The following CD6 variants were observed in gnomAD, a reference collection of about 807,000 sequenced individuals.
The protein encoded by CD6 is CD6 molecule, also known as T-cell differentiation antigen CD6.
Under a neutral mutation model 75.3 loss-of-function variants are expected in CD6, and 53 were observed. The observed-to-expected ratio is 0.70, with a 90% CI of 0.56 to 0.88. The LOEUF is 0.88. Among genes scored for constraint, CD6 ranks in the 40% least tolerant of loss-of-function variants. CD6 has a pLI of 0.00. For missense variants in CD6, 770 were observed against 897.1 expected (o/e 0.86, Z 1.81); for synonymous variants, 359 against 381.5 (o/e 0.94, Z 0.69).
chr11:61,018,086 G>C, intron 11 of CD6, 73 bp downstream of exon 11: 1 of 1,552,428 alleles, frequency 6.4e-7, no homozygotes, highest in Non-Finnish European at 8.7e-7. Flanking sequence ...TGGGAGCCCT[G>C]AGTCAGGCTG....
At chr11:60,974,959 C>A (rs1857312922) in intron 1 of CD6, among the ~76,000 whole-genome samples, 1 of 152,220 alleles carries the variant, frequency 6.6e-6, no homozygotes, top group Non-Finnish European at 1.5e-5. Flanking sequence ...GTGCTGAGCT[C>A]CGTGACTCTA....
At chr11:61,010,880 A>G (rs1187917114) in intron 5 of CD6, among the ~76,000 whole-genome samples, 190 bp from the exon 6 acceptor site, 1 of 150,624 alleles carries the variant, frequency 6.6e-6, no homozygotes, top group African/African-American at 2.4e-5. Context: ...CATTTAATCC[A>G]TGAGTTCCTC....
chr11:60,972,006 C>G (rs1857202010), intron 1 of CD6, 92 bp downstream of exon 1: 3 of 1,330,284 alleles, frequency 2.3e-6, no homozygotes, highest in South Asian at 2.5e-5. Flanking sequence ...CTTGTGGTCA[C>G]TTTTCTAGGA....
chr11:61,008,535 G>A lies in CD6; in HGVS notation c.471G>A (p.Glu157=), dbSNP rs1203166886. 3 of 1,593,410 alleles carry A rather than the reference G, an allele frequency of 1.9e-6. No individual in the cohort carries two copies. The highest frequency in any genetic ancestry group is 1.3e-5 in the African/African-American group (1 of 74,668). Residue 157 remains glutamate, a splice_region_variant and synonymous_variant, in exon 4 of 13, where the codon GAG becomes GAA. Transcript: ENST00000313421. ...TCCACAACCCCCTCCCACCCCTAGA[G>A]AACCGCGCGCTGCGCCTGGTGGACG... is the stretch of plus-strand genomic sequence containing the variant. ...DGRRARVTCA[E]NRALRLVDGG... is the part of the protein sequence containing the mutation.
chr11:60,980,217 T>C (rs1035419583), intron 1 of CD6, among the ~76,000 whole-genome samples: 1 of 152,186 alleles, frequency 6.6e-6, no homozygotes, highest in African/African-American at 2.4e-5. Context: ...AAATAAGAAG[T>C]TAAGGGGGAA....
rs778441031 is a variant in CD6 at position 61,006,639 on chromosome 11, C to A, written c.115C>A (p.Pro39Thr). Residue 39 changes from proline to threonine, a missense_variant, in exon 2 of 13, where the codon CCA becomes ACA. By Grantham distance (38) the Pro-to-Thr change is conservative. Coordinates refer to ENST00000313421, the MANE Select transcript of CD6 (RefSeq NM_006725.5). Reference protein sequence around the residue: ...TSSAESELWEPGERLPVRLTN... With the variant: ...TSSAESELWETGERLPVRLTN... ...CAGTGCAGAGAGTGAGCTCTGGGAG[C>A]CAGGTGAGCAAACATTCCCTCTGGG... The A allele has an allele frequency of 2.5e-6, 4 of 1,607,200 alleles. No homozygotes were observed. The Admixed American group carries it at 6.7e-5, about 27-fold the overall frequency.
intron 1 of CD6, among the ~76,000 whole-genome samples, chr11:60,980,452 T>C (rs1411686250): frequency 1.3e-5 from 2 of 151,892 alleles, no homozygotes; most frequent in Non-Finnish European, 2.9e-5. Flanking sequence ...CAGTGAGCCA[T>C]GATCTCACCA....
At position 61,007,416 on chromosome 11, in the gene CD6, C is replaced by T; in HGVS notation, c.119-144C>T. On this transcript the variant is annotated intron_variant, in intron 2 of 12. Coordinates refer to ENST00000313421, the MANE Select transcript of CD6 (RefSeq NM_006725.5). This position sits in a 1 kb window ranked among gnomAD's most constrained non-coding sequence, Gnocchi z 4.2. ...AAGGTGGGCTCAGGGATGAGCCAGC[C>T]CGGCTCCATTTTGCAGACTGGAAAG... 1.7e-6 allele frequency: 1 copy of T among 596,086 alleles called. No homozygotes were observed. The highest frequency in any genetic ancestry group is 3.9e-5 in the South Asian group (1 of 25,678). The allele number at this position is 596,086 out of a possible 1,614,324, so 36.9% of individuals were successfully genotyped here. A position where few individuals can be genotyped will look rare whatever the true frequency, so the allele number is the denominator to read the frequency against.
rs1859173316 is a variant in CD6, at chr11:61,011,983, T to C, written c.1150+848T>C. 2.0e-5 allele frequency among the ~76,000 whole-genome samples: 3 copies of C among 152,336 alleles called. No individual in the cohort carries two copies. In the South Asian group the frequency reaches 6.2e-4, roughly 32 times the overall value. ...AAAGACAGTAAGAACTGTCCGAAAG[T>C]CTGCTGTTGCTATGAGTATTTAGTT... On this transcript the variant is annotated intron_variant, in intron 6 of 12. Transcript: ENST00000313421.
At chr11:60,988,969 AG>A (rs1198970486) in intron 1 of CD6, among the ~76,000 whole-genome samples, 48 of 152,254 alleles carry the variant, frequency 3.2e-4, no homozygotes, top group Non-Finnish European at 1.5e-5. Context: ...CTTTGCACAG[AG>A]GGTCTTGCTC....
chr11:61,013,359 A>G, intron 6 of CD6, 64 bp from the exon 7 acceptor site: 1 of 1,574,172 alleles, frequency 6.4e-7, no homozygotes, highest in Admixed American at 1.8e-5. Context: ...CAGAGAATGG[A>G]AAGGCAAGAA....
At chr11:60,995,508 C>T (rs910180665) in intron 1 of CD6, among the ~76,000 whole-genome samples, 1 of 152,142 alleles carries the variant, frequency 6.6e-6, no homozygotes, top group African/African-American at 2.4e-5. Flanking sequence ...TTATTAATTG[C>T]TCACCATTAA....
At chr11:60,984,728 C>G (rs1269084315) in intron 1 of CD6, among the ~76,000 whole-genome samples, 1 of 152,218 alleles carries the variant, frequency 6.6e-6, no homozygotes, top group Non-Finnish European at 1.5e-5. Flanking sequence ...GAGACACAGG[C>G]AGAACCTCGG....
At chr11:60,989,949 A>G (rs1254086822) in intron 1 of CD6, among the ~76,000 whole-genome samples, 2 of 152,212 alleles carry the variant, frequency 1.3e-5, no homozygotes, top group African/African-American at 2.4e-5. Context: ...GGCAGGGTGC[A>G]TTGATATGAC....
chr11:61,002,329 G>T (rs944981895), intron 1 of CD6, among the ~76,000 whole-genome samples: 8 of 152,062 alleles, frequency 5.3e-5, no homozygotes, highest in African/African-American at 1.9e-4. Context: ...GAGGCAGGCA[G>T]ATCACTTGAG....
chr11:61,013,548 A>G lies in CD6; in HGVS notation c.1276A>G (p.Ile426Val). Reference protein sequence around the residue: ...LIFIAFILLRIKGKYALPVMV... With the variant: ...LIFIAFILLRVKGKYALPVMV... Reference sequence around the variant, plus strand: ...CTTCATAGCCTTCATCCTCTTGAGAATTAAAGGAAAATATGGTAAGTGCAA... The same window carrying G: ...CTTCATAGCCTTCATCCTCTTGAGAGTTAAAGGAAAATATGGTAAGTGCAA... Residue 426 changes from isoleucine to valine, a missense_variant, in exon 7 of 13, where the codon ATT becomes GTT. Physicochemically the swap from Ile to Val is conservative, Grantham distance 29. Transcript: ENST00000313421. 1 of 1,614,074 alleles carries G rather than the reference A, an allele frequency of 6.2e-7. No individual in the cohort carries two copies. Among genetic ancestry groups the G allele is most frequent in the East Asian group, 2.2e-5 (1 of 44,846 alleles).
intron 1 of CD6, among the ~76,000 whole-genome samples, chr11:60,990,558 C>T (rs2135068942): frequency 6.6e-6 from 1 of 152,226 alleles, no homozygotes; most frequent in East Asian, 1.9e-4. Context: ...GCGTCCTCAC[C>T]ACCCAGACTT....
At chr11:61,019,016 G>A (rs563107283) in intron 12 of CD6, 27 of 427,206 alleles carry the variant, frequency 6.3e-5, no homozygotes, top group East Asian at 6.2e-4. Context: ...ACATTCAATC[G>A]TCCACCGTGT....
intron 1 of CD6, among the ~76,000 whole-genome samples, chr11:60,990,804 G>GAAGGCT (rs1858029186): frequency 7.6e-6 from 1 of 131,072 alleles, no homozygotes; most frequent in East Asian, 2.3e-4. Context: ...GTACCCTACT[G>GAAGGCT]GACATATTGT....
Sources: gnomAD v4.1 joint callset for allele counts (sites outside exome capture counted in the v4.1 genomes callset) on GRCh38, gnomAD v4.1.1 for gene constraint, Gnocchi (gnomAD v3.1) non-coding constraint, MANE v1.5 for transcripts, NCBI Gene and HGNC (gene_info 2026-07-23, HGNC 2026-07-21) for gene names.